The following MGMT variants were observed in gnomAD, a reference collection of about 807,000 sequenced individuals.
MGMT encodes methylated-DNA--protein-cysteine methyltransferase.
In MGMT, 14 loss-of-function variants were observed where a neutral mutation model predicts 15.9. That is an observed-to-expected ratio of 0.88 (90% confidence interval 0.58 to 1.37). The LOEUF (loss-of-function observed/expected upper bound fraction) is 1.37, where lower values mean the gene tolerates loss of function less well. Among genes scored for constraint, MGMT ranks in the 40% most tolerant of loss-of-function variants. MGMT has a pLI of 0.00. For synonymous variants in MGMT, 130 were observed against 118.2 expected (o/e 1.10, Z -0.65); for missense variants, 282 against 268.1 (o/e 1.05, Z -0.36).
At chr10:129,585,771 C>T (rs530600120) in intron 2 of MGMT, among the ~76,000 whole-genome samples, 9 of 152,224 alleles carry the variant, frequency 5.9e-5, no homozygotes, top group African/African-American at 1.7e-4. Context: ...TATGGAGGGC[C>T]GGCTGTGCAG....
intron 2 of MGMT, among the ~76,000 whole-genome samples, chr10:129,579,649 T>C (rs974523565): frequency 6.6e-6 from 1 of 152,244 alleles, no homozygotes; most frequent in Non-Finnish European, 1.5e-5. Context: ...GGAACGAGCA[T>C]GGCTCATAAT....
chr10:129,496,414 A>T (rs1845522084), intron 1 of MGMT, among the ~76,000 whole-genome samples: 1 of 152,190 alleles, frequency 6.6e-6, no homozygotes, highest in Admixed American at 6.5e-5. Flanking sequence ...TTATAACAAG[A>T]TTAATACCTT....
At chr10:129,692,964 C>A (rs747245238) in intron 2 of MGMT, among the ~76,000 whole-genome samples, 1 of 152,226 alleles carries the variant, frequency 6.6e-6, no homozygotes, top group African/African-American at 2.4e-5. Context: ...GGACGCCACT[C>A]GCTGGCAAAG....
chr10:129,671,383 C>G (rs1847720941), intron 2 of MGMT, among the ~76,000 whole-genome samples: 1 of 152,016 alleles, frequency 6.6e-6, no homozygotes, highest in African/African-American at 2.4e-5. Context: ...ATTTGATTAT[C>G]TAGACCAGAG....
intron 2 of MGMT, among the ~76,000 whole-genome samples, chr10:129,601,057 C>T (rs1341471189): frequency 1.3e-5 from 2 of 149,754 alleles, no homozygotes; most frequent in Non-Finnish European, 3.0e-5. Flanking sequence ...TATGCCTTTC[C>T]TTCTTGGTGG....
At chr10:129,751,208 A>G (rs893576375) in intron 3 of MGMT, among the ~76,000 whole-genome samples, 2 of 152,102 alleles carry the variant, frequency 1.3e-5, no homozygotes, top group African/African-American at 4.8e-5. Context: ...TATGAATTCA[A>G]CTTCTTTAAT....
chr10:129,582,253 T>C lies in MGMT; in HGVS notation c.125+45876T>C, dbSNP rs1846565493. ...GCCCGACATGTACTCCACCCCGCCT[T>C]CTACCAGGAGCCAAGGCTGTGACCA... On this transcript the variant is annotated intron_variant, in intron 2 of 4. Coordinates refer to ENST00000651593, the MANE Select transcript of MGMT (RefSeq NM_002412.5). Among the ~76,000 whole-genome samples the C allele has an allele frequency of 4.6e-5, 7 of 152,308 alleles. No individual in the cohort carries two copies. In the South Asian group the frequency reaches 1.5e-3, roughly 32 times the overall value.
chr10:129,742,726 A>C (rs965648936), intron 3 of MGMT, among the ~76,000 whole-genome samples: 1 of 147,828 alleles, frequency 6.8e-6, no homozygotes, highest in African/African-American at 2.5e-5. Flanking sequence ...GCAGTGCCCC[A>C]CTACCATAGC....
chr10:129,679,891 A>G (rs1847828181), intron 2 of MGMT, among the ~76,000 whole-genome samples: 1 of 152,226 alleles, frequency 6.6e-6, no homozygotes, highest in South Asian at 2.1e-4. Flanking sequence ...TCATGGGAAT[A>G]CAAAAATGTC....
rs543247593 is a variant in MGMT at position 129,532,392 on chromosome 10, A to G, written c.-12-3849A>G. Among the ~76,000 whole-genome samples, 1 of 152,228 alleles carries G rather than the reference A, an allele frequency of 6.6e-6. No homozygotes were observed. The highest frequency in any genetic ancestry group is 2.4e-5 in the African/African-American group (1 of 41,546). ...GGAAGCCTTCTCCACCGCATTCCCAACCGCTGGCCTCCCAAGTTTGGCTTC... is the reference window on the plus strand; with the variant it reads ...GGAAGCCTTCTCCACCGCATTCCCAGCCGCTGGCCTCCCAAGTTTGGCTTC... On this transcript the variant is annotated intron_variant, in intron 1 of 4. Coordinates refer to ENST00000651593, the MANE Select transcript of MGMT (RefSeq NM_002412.5). This position sits in a 1 kb window ranked among gnomAD's most constrained non-coding sequence, Gnocchi z 5.3.
intron 3 of MGMT, among the ~76,000 whole-genome samples, chr10:129,752,049 A>G (rs1325340582): frequency 6.6e-6 from 1 of 151,934 alleles, no homozygotes; most frequent in Non-Finnish European, 1.5e-5. Flanking sequence ...TTATTTGTGT[A>G]TCTTTGCTGA....
chr10:129,665,759 G>A (rs979710409), intron 2 of MGMT, among the ~76,000 whole-genome samples: 7 of 152,198 alleles, frequency 4.6e-5, no homozygotes, highest in Non-Finnish European at 1.0e-4. Flanking sequence ...TTTACTTCAT[G>A]TAAAAAATGT....
intron 1 of MGMT, among the ~76,000 whole-genome samples, chr10:129,488,449 G>C (rs1398532654): frequency 6.6e-6 from 1 of 152,096 alleles, no homozygotes; most frequent in Non-Finnish European, 1.5e-5. Context: ...ATCTTATATA[G>C]TCTGAATTCT....
intron 2 of MGMT, among the ~76,000 whole-genome samples, chr10:129,597,477 T>TAA (rs143762856): frequency 2.7e-5 from 4 of 150,732 alleles, no homozygotes; most frequent in Non-Finnish European, 5.9e-5. Flanking sequence ...TCCAGAAAAA[T>TAA]AAAAAAACAA....
At chr10:129,656,273 C>T (rs1564750387) in intron 2 of MGMT, among the ~76,000 whole-genome samples, 2 of 152,182 alleles carry the variant, frequency 1.3e-5, no homozygotes, top group Admixed American at 1.3e-4. Context: ...AGCAAGAGCC[C>T]CTCTCTTGGG....
chr10:129,487,969 A>G (rs1202127123), intron 1 of MGMT, among the ~76,000 whole-genome samples: 1 of 120,614 alleles, frequency 8.3e-6, no homozygotes, highest in Admixed American at 8.5e-5. Flanking sequence ...ACATAGGTGT[A>G]TACGCAGGTA....
chr10:129,668,364 GCCTGTT>G (rs889842768), intron 2 of MGMT, among the ~76,000 whole-genome samples: 1 of 151,480 alleles, frequency 6.6e-6, no homozygotes, highest in African/African-American at 2.4e-5. Context: ...GCTGTACTTT[GCCTGTT>G]CCTGTTCTAG....
At chr10:129,474,749 T>C (rs1845271011) in intron 1 of MGMT, among the ~76,000 whole-genome samples, 1 of 152,136 alleles carries the variant, frequency 6.6e-6, no homozygotes, top group Non-Finnish European at 1.5e-5. Flanking sequence ...CACATCAGAA[T>C]GCAAATTAGA....
Position 129,618,279 on chromosome 10 carries a change from G to C in MGMT, c.125+81902G>C, listed in dbSNP as rs1847051598. ...TGATCAAAGTTTAGAGTGCTGGCAA[G>C]TGCCAAGCCTTACGATAGATGTTGT... is the stretch of plus-strand genomic sequence containing the variant. On this transcript the variant is annotated intron_variant, in intron 2 of 4. Coordinates refer to ENST00000651593, the MANE Select transcript of MGMT (RefSeq NM_002412.5). Among the ~76,000 whole-genome samples, 3 of 152,216 alleles carry C rather than the reference G, an allele frequency of 2.0e-5. No individual in the cohort carries two copies. The South Asian group carries it at 6.2e-4, about 32-fold the overall frequency.
Sources: gnomAD v4.1 joint callset for allele counts (sites outside exome capture counted in the v4.1 genomes callset) on GRCh38, gnomAD v4.1.1 for gene constraint, Gnocchi (gnomAD v3.1) non-coding constraint, MANE v1.5 for transcripts, NCBI Gene and HGNC (gene_info 2026-07-23, HGNC 2026-07-21) for gene names.